TINAG: variants seen among roughly 807,000 people sequenced by gnomAD.
TINAG encodes tubulointerstitial nephritis antigen.
A neutral mutation model predicts 72.7 loss-of-function variants in TINAG; 83 were observed. That is an observed-to-expected ratio of 1.14 (90% CI 0.96 to 1.37). TINAG has a LOEUF of 1.37. Ranked by LOEUF, TINAG falls within the 40% of genes most tolerant of loss-of-function variation. The pLI, the probability that TINAG is intolerant of heterozygous loss-of-function variation, is 0.00. For missense variants in TINAG, 685 were observed against 576.6 expected (o/e 1.19, Z -1.93); for synonymous variants, 234 against 189.9 (o/e 1.23, Z -1.91).
intron 1 of TINAG, among the ~76,000 whole-genome samples, chr6:54,316,770 C>T (rs1784382831): frequency 6.6e-6 from 1 of 152,126 alleles, no homozygotes; most frequent in African/African-American, 2.4e-5. Context: ...CATCTTTTTG[C>T]AGTTCAAGAA....
chr6:54,324,226 G>A (rs917262496), intron 3 of TINAG, among the ~76,000 whole-genome samples: 1 of 152,130 alleles, frequency 6.6e-6, no homozygotes, highest in African/African-American at 2.4e-5. Context: ...TTTGGAATAG[G>A]TTCAACTGAG....
At chr6:54,318,936 G>T (rs1784430965) in intron 1 of TINAG, among the ~76,000 whole-genome samples, 1 of 152,092 alleles carries the variant, frequency 6.6e-6, no homozygotes. Context: ...ATGAAATTAA[G>T]GAAGGATGAC....
At chr6:54,327,805 G>A (rs991054165) in intron 4 of TINAG, among the ~76,000 whole-genome samples, 7 of 152,048 alleles carry the variant, frequency 4.6e-5, no homozygotes, top group Admixed American at 1.3e-4. Flanking sequence ...TTGAGTAGGC[G>A]GTTTTCCCCT....
At chr6:54,318,011 G>A (rs1176292157) in intron 1 of TINAG, among the ~76,000 whole-genome samples, 5 of 151,684 alleles carry the variant, frequency 3.3e-5, no homozygotes, top group African/African-American at 1.2e-4. Context: ...TGTTTTTCAT[G>A]ACACCACCCT....
intron 4 of TINAG, among the ~76,000 whole-genome samples, chr6:54,332,873 T>C (rs1035392872): frequency 2.2e-4 from 34 of 152,116 alleles, no homozygotes; most frequent in Non-Finnish European, 2.9e-4. Context: ...GAAAAGCTCA[T>C]CATCACTGGT....
chr6:54,343,315 A>C lies in TINAG; in HGVS notation c.714A>C (p.Lys238Asn), dbSNP rs751457227. 1 of 1,567,564 alleles carries C rather than the reference A, an allele frequency of 6.4e-7. No homozygotes were observed. Among genetic ancestry groups the C allele is most frequent in the Non-Finnish European group, 8.7e-7 (1 of 1,154,682 alleles). Reference sequence around the variant, plus strand: ...GGACTCATGGCCCATTGGATCAAAAAAATTGTGCTGCATCCTGGGCATTTT... The same window carrying C: ...GGACTCATGGCCCATTGGATCAAAACAATTGTGCTGCATCCTGGGCATTTT... ...PGWTHGPLDQ[K>N]NCAASWAFST... Residue 238 changes from lysine to asparagine, a missense_variant, in exon 5 of 11, where the codon AAA becomes AAC. By Grantham distance (94) the Lys-to-Asn change is moderately conservative (BLOSUM62 0). Coordinates refer to ENST00000259782, the MANE Select transcript of TINAG (RefSeq NM_014464.4).
At chr6:54,362,520 A>G (rs1432917446) in intron 9 of TINAG, among the ~76,000 whole-genome samples, 1 of 151,644 alleles carries the variant, frequency 6.6e-6, no homozygotes. Flanking sequence ...TTGAAAATGC[A>G]CCTAATCACC....
At chr6:54,329,875 A>T (rs992769178) in intron 4 of TINAG, among the ~76,000 whole-genome samples, 4 of 152,116 alleles carry the variant, frequency 2.6e-5, no homozygotes, top group Non-Finnish European at 4.4e-5. Context: ...AAAGACCAAG[A>T]AGGGCATTAC....
At chr6:54,374,086 C>T (rs183937677) in intron 9 of TINAG, among the ~76,000 whole-genome samples, 7 of 152,192 alleles carry the variant, frequency 4.6e-5, no homozygotes, top group Non-Finnish European at 8.8e-5. Flanking sequence ...ACACATTTAT[C>T]AATTTTCTCC....
intron 9 of TINAG, among the ~76,000 whole-genome samples, chr6:54,355,340 A>G (rs930572598): frequency 3.3e-5 from 5 of 151,910 alleles, no homozygotes; most frequent in Non-Finnish European, 5.9e-5. Flanking sequence ...CTCATATTGC[A>G]TATTATGGTA....
chr6:54,326,910 A>G lies in TINAG; in HGVS notation c.618A>G (p.Glu206=). The change falls in exon 4 of 11, where the codon GAA becomes GAG. Residue 206 remains glutamate (E), a synonymous_variant. Coordinates refer to ENST00000259782, the MANE Select transcript of TINAG (RefSeq NM_014464.4). ...GTCCCATGCTCCTGAGCATGAATGA[A>G]ATGACAGTAAGTGTTCCTTCTGATT... ...PPSPMLLSMN[E]MTASLPATTD... The G allele has an allele frequency of 6.2e-7, 1 of 1,613,144 alleles. No individual in the cohort carries two copies. Among genetic ancestry groups the G allele is most frequent in the Non-Finnish European group, 8.5e-7 (1 of 1,179,792 alleles).
At chr6:54,320,335 T>A (rs980959987) in intron 1 of TINAG, among the ~76,000 whole-genome samples, 1 of 152,142 alleles carries the variant, frequency 6.6e-6, no homozygotes, top group Non-Finnish European at 1.5e-5. Context: ...CTTGTTTTCA[T>A]GTTTTGCAAA....
At chr6:54,380,986 T>TATAC (rs1208804813) in intron 10 of TINAG, among the ~76,000 whole-genome samples, 1 of 147,992 alleles carries the variant, frequency 6.8e-6, no homozygotes, top group East Asian at 2.0e-4. Context: ...ATAGGATATA[T>TATAC]ATATATATTT....
intron 4 of TINAG, among the ~76,000 whole-genome samples, chr6:54,336,954 GA>G (rs1182604926): frequency 6.6e-6 from 1 of 151,230 alleles, no homozygotes; most frequent in Non-Finnish European, 1.5e-5. Context: ...AACTAACAAA[GA>G]AAAAAATGTT....
chr6:54,320,101 A>C (rs191070087), intron 1 of TINAG, among the ~76,000 whole-genome samples: 14 of 152,232 alleles, frequency 9.2e-5, no homozygotes, highest in South Asian at 4.1e-4. Flanking sequence ...TAAAGAAAAA[A>C]ATAGAATTTG....
intron 9 of TINAG, among the ~76,000 whole-genome samples, chr6:54,380,305 A>G (rs1763907437): frequency 6.6e-6 from 1 of 152,110 alleles, no homozygotes; most frequent in Non-Finnish European, 1.5e-5. Flanking sequence ...CAAGCCATTT[A>G]TATATAAATG....
intron 9 of TINAG, among the ~76,000 whole-genome samples, chr6:54,373,043 A>G (rs1469169938): frequency 2.6e-5 from 4 of 152,100 alleles, no homozygotes; most frequent in Non-Finnish European, 5.9e-5. Flanking sequence ...TTGATCCTTA[A>G]GATAAATGCA....
chr6:54,384,537 G>A (rs1764040927), intron 10 of TINAG, among the ~76,000 whole-genome samples: 1 of 152,028 alleles, frequency 6.6e-6, no homozygotes, highest in Non-Finnish European at 1.5e-5. Flanking sequence ...AATAAAAAAG[G>A]AAAGTAGAAG....
At chr6:54,327,136 T>C (rs1450949589) in intron 4 of TINAG, 2 of 1,548,672 alleles carry the variant, frequency 1.3e-6, no homozygotes, top group Non-Finnish European at 1.7e-6. Flanking sequence ...CATAGTCTCC[T>C]TTAGGAATGA....
Sources: gnomAD v4.1 joint callset for allele counts (sites outside exome capture counted in the v4.1 genomes callset) on GRCh38, gnomAD v4.1.1 for gene constraint, MANE v1.5 for transcripts, NCBI Gene and HGNC (gene_info 2026-07-23, HGNC 2026-07-21) for gene names.